Variants in DLGAP2 observed in about 807,000 individuals in gnomAD.
The protein encoded by DLGAP2 is DLG associated protein 2.
Under a neutral mutation model 100.3 loss-of-function variants are expected in DLGAP2, and 26 were observed. The ratio of observed to expected loss-of-function variants is 0.26; its 90% CI spans 0.19 to 0.36. The LOEUF (loss-of-function observed/expected upper bound fraction) is 0.36. Among genes scored for constraint, DLGAP2 ranks in the 10% least tolerant of loss-of-function variants. The pLI is 1.00. For synonymous variants in DLGAP2, 886 were observed against 630.1 expected (o/e 1.41, Z -6.08); for missense variants, 1,858 against 1,453.2 (o/e 1.28, Z -4.53).
rs114774121 is a variant in DLGAP2 at position 1,649,690 on chromosome 8, C to A, written c.1810+16644C>A. On this transcript the variant is annotated intron_variant, in intron 8 of 14. Transcript: ENST00000637795. ...TATCTATGAAGGTAGGAAAAATACTCCTTTCTAAAATATTTAATTATATTG... is the reference window on the plus strand; with the variant it reads ...TATCTATGAAGGTAGGAAAAATACTACTTTCTAAAATATTTAATTATATTG... 8.0e-3 allele frequency among the ~76,000 whole-genome samples: 1,216 copies of A among 152,170 alleles called. 15 individuals are homozygous for A. Among genetic ancestry groups the A allele is most frequent in the African/African-American group, 0.028 (1,153 of 41,514 alleles).
intron 3 of DLGAP2, among the ~76,000 whole-genome samples, chr8:1,268,424 A>G (rs140369195): frequency 0.011 from 1,742 of 152,308 alleles, 25 homozygotes; most frequent in South Asian, 0.073. Context: ...CTCATTTGCA[A>G]TATTGAAATA....
chr8:1,423,296 T>C (rs150540491), intron 3 of DLGAP2, among the ~76,000 whole-genome samples: 1 of 152,034 alleles, frequency 6.6e-6, no homozygotes, highest in Non-Finnish European at 1.5e-5. Context: ...GCCTGCTCAG[T>C]CCATGGGACA....
intron 4 of DLGAP2, among the ~76,000 whole-genome samples, chr8:1,517,513 C>G (rs1800435703): frequency 6.6e-6 from 1 of 152,172 alleles, no homozygotes; most frequent in South Asian, 2.1e-4. Flanking sequence ...GCTGTGCATC[C>G]TCAGGGAGAG....
chr8:1,355,319 C>T (rs552557420), intron 3 of DLGAP2, among the ~76,000 whole-genome samples: 29 of 152,124 alleles, frequency 1.9e-4, no homozygotes, highest in African/African-American at 6.8e-4. Flanking sequence ...GTGAGATTGT[C>T]GGAGATTGTT....
intron 2 of DLGAP2, among the ~76,000 whole-genome samples, chr8:919,272 G>T (rs1416960073): frequency 6.6e-6 from 1 of 152,210 alleles, no homozygotes; most frequent in Non-Finnish European, 1.5e-5. Context: ...AAAAACAGCC[G>T]TCCTGTCCTA....
intron 2 of DLGAP2, among the ~76,000 whole-genome samples, chr8:1,149,567 A>G (rs931076124): frequency 2.6e-5 from 4 of 152,238 alleles, no homozygotes; most frequent in East Asian, 3.9e-4. Context: ...TCATCATTTT[A>G]CTTTCACACT....
At chr8:836,665 C>T (rs1262606935) in intron 1 of DLGAP2, among the ~76,000 whole-genome samples, 1 of 152,210 alleles carries the variant, frequency 6.6e-6, no homozygotes, top group Non-Finnish European at 1.5e-5. Flanking sequence ...CCCCGGCCTA[C>T]AGGCGCTGCC....
chr8:1,097,042 C>T (rs1488792549), intron 2 of DLGAP2, among the ~76,000 whole-genome samples: 1 of 142,688 alleles, frequency 7.0e-6, no homozygotes, highest in African/African-American at 2.7e-5. Flanking sequence ...CAGGCCTTCA[C>T]CCTATGTGGC....
chr8:853,566 T>C (rs1797220944), intron 1 of DLGAP2, among the ~76,000 whole-genome samples: 2 of 152,006 alleles, frequency 1.3e-5, no homozygotes, highest in East Asian at 3.9e-4. Context: ...GACTCACCCC[T>C]CATCAGTTAG....
intron 3 of DLGAP2, among the ~76,000 whole-genome samples, chr8:1,295,241 G>A (rs976372754): frequency 6.6e-6 from 1 of 152,134 alleles, no homozygotes; most frequent in African/African-American, 2.4e-5. Flanking sequence ...TGAAAACCCC[G>A]AATCCTCCAT....
In DLGAP2 at chr8:1,634,428, A is replaced by G. The variant is rs533836142; in HGVS notation, c.1810+1382A>G. ...CCCAAGGGAAATCCACAGGCTGACAACACATCCCCCAGGTGCAGCCACCGG... is the reference window on the plus strand; with the variant it reads ...CCCAAGGGAAATCCACAGGCTGACAGCACATCCCCCAGGTGCAGCCACCGG... On this transcript the variant is annotated intron_variant, in intron 8 of 14. Transcript: ENST00000637795. Among the ~76,000 whole-genome samples, 130 of 152,232 alleles carry G rather than the reference A, an allele frequency of 8.5e-4. 2 individuals are homozygous for G. The South Asian group carries it at 9.7e-3, about 11-fold the overall frequency.
chr8:1,317,181 G>A (rs1800775276), intron 3 of DLGAP2, among the ~76,000 whole-genome samples: 1 of 127,414 alleles, frequency 7.8e-6, no homozygotes. Context: ...TAGAGCGTGT[G>A]TGAGTGCAGC....
intron 2 of DLGAP2, among the ~76,000 whole-genome samples, chr8:948,892 G>A (rs1322826553): frequency 6.6e-6 from 1 of 150,776 alleles, no homozygotes; most frequent in Non-Finnish European, 1.5e-5. Flanking sequence ...TAGGGTGGGA[G>A]CAGGGCCCGT....
At chr8:1,433,853 C>G (rs7816100) in intron 3 of DLGAP2, among the ~76,000 whole-genome samples, 34,109 of 145,000 alleles carry the variant, frequency 0.24, 4,093 homozygotes, top group Middle Eastern at 0.32. Context: ...CTTATTTGTT[C>G]TAAATTTCTC....
intron 2 of DLGAP2, among the ~76,000 whole-genome samples, chr8:965,738 CCT>C: frequency 7.1e-6 from 1 of 140,620 alleles, no homozygotes; most frequent in African/African-American, 2.7e-5. Flanking sequence ...GCACTGTTCA[CCT>C]CACACGGCTC....
intron 6 of DLGAP2, among the ~76,000 whole-genome samples, chr8:1,610,821 G>A (rs200906105): frequency 0.011 from 1,615 of 145,840 alleles, 79 homozygotes; most frequent in African/African-American, 0.042. Flanking sequence ...CACATACACT[G>A]TCCCAAGACT....
intron 2 of DLGAP2, among the ~76,000 whole-genome samples, chr8:1,039,443 T>C (rs1240127146): frequency 1.3e-5 from 2 of 148,336 alleles, no homozygotes; most frequent in African/African-American, 2.5e-5. Flanking sequence ...CGGCTCGGTG[T>C]GTGTGGTTGG....
chr8:1,356,540 C>T (rs1801856082), intron 3 of DLGAP2, among the ~76,000 whole-genome samples: 1 of 152,100 alleles, frequency 6.6e-6, no homozygotes, highest in African/African-American at 2.4e-5. Context: ...AAGCGCTCCT[C>T]CCTCGGGGTC....
chr8:1,446,304 A>G (rs998868420), intron 3 of DLGAP2, among the ~76,000 whole-genome samples: 5 of 151,982 alleles, frequency 3.3e-5, no homozygotes, highest in Non-Finnish European at 5.9e-5. Flanking sequence ...TCAGCTTTCT[A>G]CATATGGCTA....
Sources: gnomAD v4.1 joint callset for allele counts (sites outside exome capture counted in the v4.1 genomes callset) on GRCh38, gnomAD v4.1.1 for gene constraint, MANE v1.5 for transcripts, NCBI Gene and HGNC (gene_info 2026-07-23, HGNC 2026-07-21) for gene names.